NR1D2: variants seen among roughly 807,000 people sequenced by gnomAD.
The protein encoded by NR1D2 is nuclear receptor subfamily 1 group D member 2.
NR1D2 carries 25 observed loss-of-function variants against 52.2 expected under a neutral mutation model. The observed-to-expected ratio is 0.48, with a 90% CI of 0.35 to 0.67. The LOEUF (loss-of-function observed/expected upper bound fraction) is 0.67. NR1D2 is among the 30% of genes least tolerant of loss of function. NR1D2 has a pLI of 0.01. For missense variants in NR1D2, 681 were observed against 707.2 expected (o/e 0.96, Z 0.42); for synonymous variants, 259 against 230.1 (o/e 1.13, Z -1.14).
At chr3:23,975,312 C>T (rs1468715603) in intron 7 of NR1D2, among the ~76,000 whole-genome samples, 1 of 144,338 alleles carries the variant, frequency 6.9e-6, no homozygotes. Flanking sequence ...TTTGTAAAGA[C>T]AAAGACTCAC....
chr3:23,962,393 A>G lies in NR1D2; in HGVS notation c.934A>G (p.Ser312Gly). The change falls in exon 5 of 8, where the codon AGT becomes GGT. Residue 312 changes from serine (S) to glycine (G), a missense_variant. Coordinates refer to ENST00000312521, the MANE Select transcript of NR1D2 (RefSeq NM_005126.5). ...GNGLSSHFPC[S>G]ESQQHLNGQF... ...TGGGCTTAGCAGCCATTTTCCCTGT[A>G]GTGAGAGCCAGCAGCATCTCAATGG... is the stretch of plus-strand genomic sequence containing the variant. 1.2e-6 allele frequency: 2 copies of G among 1,614,230 alleles called. No homozygotes were observed. The highest frequency in any genetic ancestry group is 1.7e-6 in the Non-Finnish European group (2 of 1,180,034).
intron 3 of NR1D2, among the ~76,000 whole-genome samples, chr3:23,957,832 C>T (rs1490868248): frequency 6.6e-6 from 1 of 152,070 alleles, no homozygotes; most frequent in Non-Finnish European, 1.5e-5. Flanking sequence ...GATAAATACA[C>T]ATCTGTGCAG....
intron 3 of NR1D2, 132 bp from the exon 4 acceptor site, chr3:23,959,539 T>C: frequency 1.3e-6 from 1 of 754,098 alleles, no homozygotes; most frequent in Non-Finnish European, 2.1e-6. Context: ...TAAGACATAG[T>C]GTTTCCCAGA....
intron 7 of NR1D2, among the ~76,000 whole-genome samples, chr3:23,973,063 C>G (rs571371169): frequency 6.6e-6 from 1 of 152,182 alleles, no homozygotes; most frequent in Non-Finnish European, 1.5e-5. Context: ...CAACCAACTA[C>G]TACTAATACT....
chr3:23,954,373 T>C (rs1479605591), intron 1 of NR1D2, among the ~76,000 whole-genome samples, 164 bp from the exon 2 acceptor site: 2 of 152,194 alleles, frequency 1.3e-5, no homozygotes, highest in Non-Finnish European at 2.9e-5. Context: ...GCAGGACGAA[T>C]AATGGGAAAT....
Position 23,962,096 on chromosome 3 carries a change from G to T in NR1D2, c.637G>T (p.Val213Leu). 6.2e-7 allele frequency: 1 copy of T among 1,614,194 alleles called. No individual in the cohort carries two copies. The highest frequency in any genetic ancestry group is 8.5e-7 in the Non-Finnish European group (1 of 1,180,028). ...FSGHLQNDTL[V>L]EHHEQTALPA... Reference sequence around the variant, plus strand: ...TGGTCACTTGCAAAATGACACATTAGTAGAACATCATGAACAGACAGCCTT... The same window carrying T: ...TGGTCACTTGCAAAATGACACATTATTAGAACATCATGAACAGACAGCCTT... Residue 213 changes from valine (V) to leucine (L), a missense_variant, in exon 5 of 8, where the codon GTA becomes TTA. Physicochemically the swap from Val to Leu is conservative, Grantham distance 32. Transcript: ENST00000312521.
At position 23,962,574 on chromosome 3, in the gene NR1D2, A is replaced by G; in HGVS notation, c.1115A>G (p.Tyr372Cys). The change falls in exon 5 of 8, where the codon TAC (tyrosine) becomes TGC (cysteine). Residue 372 changes from tyrosine (Y) to cysteine (C), a missense_variant. Tyr to Cys is a radical substitution (Grantham distance 194). Coordinates refer to ENST00000312521, the MANE Select transcript of NR1D2 (RefSeq NM_005126.5). ...GFSQNENKNS[Y>C]LCNTGGRMHL... The stretch of plus-strand genomic sequence containing the variant: ...TCTCAGAATGAGAACAAGAATAGTT[A>G]CCTGTGCAACACTGGAGGAAGAATG... The G allele has an allele frequency of 7.5e-6, 12 of 1,610,718 alleles. No individual in the cohort carries two copies. Among genetic ancestry groups the G allele is most frequent in the Non-Finnish European group, 1.0e-5 (12 of 1,177,492 alleles).
intron 3 of NR1D2, among the ~76,000 whole-genome samples, chr3:23,959,125 GGGTGT>G (rs1232833318): frequency 2.6e-5 from 4 of 152,076 alleles, no homozygotes; most frequent in Non-Finnish European, 5.9e-5. Context: ...AAAATTAGCT[GGGTGT>G]GGTGGCGCAT....
chr3:23,955,340 T>G lies in NR1D2; in HGVS notation c.283+537T>G, dbSNP rs368675511. Among the ~76,000 whole-genome samples the G allele has an allele frequency of 2.2e-4, 33 of 152,330 alleles. No homozygotes were observed. The East Asian group carries it at 4.2e-3, about 20-fold the overall frequency. On this transcript the variant is annotated intron_variant, in intron 2 of 7. Coordinates refer to ENST00000312521, the MANE Select transcript of NR1D2 (RefSeq NM_005126.5). ...TCTCTGTCTGAATTCTTAATTGTTATCCAGAGAATTGTTTTCTTAGTTCTG... is the reference window on the plus strand; with the variant it reads ...TCTCTGTCTGAATTCTTAATTGTTAGCCAGAGAATTGTTTTCTTAGTTCTG...
chr3:23,964,974 T>A lies in NR1D2; in HGVS notation c.1147-3T>A. 1.2e-6 allele frequency: 2 copies of A among 1,601,230 alleles called. No homozygotes were observed. The highest frequency in any genetic ancestry group is 1.7e-6 in the Non-Finnish European group (2 of 1,172,032). ...AAGAGTTTTTCCGTTTTATGTATAC[T>A]AGGTTTGTCCAATGAGTAAGTCTCC... On this transcript the variant is annotated splice_region_variant and splice_polypyrimidine_tract_variant and intron_variant, in intron 5 of 7. Transcript: ENST00000312521.
chr3:23,961,376 T>C (rs1293585021), intron 4 of NR1D2, among the ~76,000 whole-genome samples: 2 of 147,730 alleles, frequency 1.4e-5, no homozygotes, highest in African/African-American at 2.5e-5. Context: ...ATATTTCTTT[T>C]TTCTTTTTCT....
intron 6 of NR1D2, among the ~76,000 whole-genome samples, chr3:23,965,915 C>T (rs1043873191): frequency 6.6e-6 from 1 of 152,318 alleles, no homozygotes; most frequent in East Asian, 1.9e-4. Flanking sequence ...ATATATCAGA[C>T]ATTTCTTATG....
rs1706513017 is a variant in NR1D2, at chr3:23,968,694, C to A, written c.1543+671C>A. On this transcript the variant is annotated intron_variant, in intron 7 of 7. Transcript: ENST00000312521. ...TCATTTATGATGTTTCCCAATGCCC[C>A]TGCCATCTTGCATTAATATTACAGT... Among the ~76,000 whole-genome samples the A allele has an allele frequency of 2.0e-5, 3 of 152,140 alleles. No individual in the cohort carries two copies. The South Asian group carries it at 6.2e-4, about 32-fold the overall frequency.
chr3:23,965,235 CTTTTTTTT>C, intron 6 of NR1D2, 73 bp downstream of exon 6: 11 of 308,818 alleles, frequency 3.6e-5, no homozygotes, highest in South Asian at 3.8e-5. Context: ...TGTTTTAATT[CTTTTTTTT>C]TTTTTTTTTT....
At chr3:23,966,382 A>C (rs1035056653) in intron 6 of NR1D2, among the ~76,000 whole-genome samples, 1 of 152,222 alleles carries the variant, frequency 6.6e-6, no homozygotes, top group Admixed American at 6.5e-5. Flanking sequence ...CTTTGTGGAT[A>C]GTCTCTTTGG....
At chr3:23,969,792 G>T (rs1706540700) in intron 7 of NR1D2, among the ~76,000 whole-genome samples, 1 of 152,174 alleles carries the variant, frequency 6.6e-6, no homozygotes, top group Admixed American at 6.5e-5. Flanking sequence ...TGGAGTTGTA[G>T]AAAGGAAGGT....
At chr3:23,950,190 G>A (rs1010498355) in intron 1 of NR1D2, among the ~76,000 whole-genome samples, 2 of 152,218 alleles carry the variant, frequency 1.3e-5, no homozygotes, top group African/African-American at 2.4e-5. Flanking sequence ...TTTCAGTCTT[G>A]TAATAAGTGG....
chr3:23,956,109 C>A lies in NR1D2; in HGVS notation c.356C>A (p.Ala119Asp), dbSNP rs1431883490. 6.2e-7 allele frequency: 1 copy of A among 1,612,984 alleles called. No homozygotes were observed. Among genetic ancestry groups the A allele is most frequent in the Non-Finnish European group, 8.5e-7 (1 of 1,179,168 alleles). The change falls in exon 3 of 8, where the codon GCT becomes GAT. Residue 119 changes from alanine (A) to aspartate (D), a missense_variant. Ala to Asp is a moderately radical substitution (Grantham distance 126, BLOSUM62 -2). Around this residue, in one of 3 missense-constraint regions of NR1D2, gnomAD observed 112 missense variants for 162.3 expected, o/e 0.69. Coordinates refer to ENST00000312521, the MANE Select transcript of NR1D2 (RefSeq NM_005126.5). ...TCAGGATTCCACTATGGAGTTCATG[C>A]TTGCGAAGGCTGTAAGGTAAAGCAT... ...VASGFHYGVHACEGCKGFFRR... is the reference protein window; with the variant it reads ...VASGFHYGVHDCEGCKGFFRR...
At chr3:23,959,950 CT>C in intron 4 of NR1D2, 135 bp downstream of exon 4, 1 of 682,438 alleles carries the variant, frequency 1.5e-6, no homozygotes, top group Non-Finnish European at 2.2e-6. Context: ...TATTTTCATG[CT>C]TTACAGGACA....
Sources: allele counts gnomAD v4.1 joint callset (sites outside exome capture counted in the v4.1 genomes callset), GRCh38; gene constraint gnomAD v4.1.1; regional missense constraint gnomAD v4.1.1; transcripts MANE v1.5; gene names NCBI Gene and HGNC (gene_info 2026-07-23, HGNC 2026-07-21).